The following NOVA1 variants were observed in gnomAD, a reference collection of about 807,000 sequenced individuals.
The protein encoded by NOVA1 is NOVA alternative splicing regulator 1, also known as RNA-binding protein Nova-1.
Under a neutral mutation model 38.0 loss-of-function variants are expected in NOVA1, and 7 were observed. The ratio of observed to expected loss-of-function variants is 0.18; its 90% CI spans 0.10 to 0.35. The LOEUF (loss-of-function observed/expected upper bound fraction) is 0.35. NOVA1 is among the 10% of genes least tolerant of loss of function. NOVA1 has a pLI of 1.00. For missense variants in NOVA1, 460 were observed against 616.0 expected (o/e 0.75, Z 2.68); for synonymous variants, 270 against 232.5 (o/e 1.16, Z -1.47).
At chr14:26,558,733 G>A (rs1323839405) in intron 2 of NOVA1, among the ~76,000 whole-genome samples, 1 of 152,018 alleles carries the variant, frequency 6.6e-6, no homozygotes, top group African/African-American at 2.4e-5. Context: ...AGGTCATTTT[G>A]CAACATTTAA....
At chr14:26,475,267 A>G (rs1366677320) in intron 3 of NOVA1, among the ~76,000 whole-genome samples, 1 of 152,142 alleles carries the variant, frequency 6.6e-6, no homozygotes, top group African/African-American at 2.4e-5. Context: ...CCTGGCTTCA[A>G]GCAATCCTCT....
At chr14:26,505,010 G>GAGAGTCTACGGGT (rs61689666) in intron 2 of NOVA1, among the ~76,000 whole-genome samples, 1 of 152,142 alleles carries the variant, frequency 6.6e-6, no homozygotes, top group Non-Finnish European at 1.5e-5. Context: ...ATTTTGTCTT[G>GAGAGTCTACGGGT]AGCTAGCTAG....
intron 2 of NOVA1, among the ~76,000 whole-genome samples, chr14:26,501,585 C>G (rs1433715414): frequency 6.6e-6 from 1 of 151,704 alleles, no homozygotes; most frequent in Non-Finnish European, 1.5e-5. Flanking sequence ...ATTTTATCTT[C>G]TCATTAATAC....
chr14:26,488,130 C>T (rs980296496), intron 2 of NOVA1, among the ~76,000 whole-genome samples: 1 of 152,072 alleles, frequency 6.6e-6, no homozygotes, highest in Non-Finnish European at 1.5e-5. Context: ...GTGATTAACT[C>T]TACACAATTA....
At chr14:26,553,405 T>TA (rs1891282530) in intron 2 of NOVA1, among the ~76,000 whole-genome samples, 1 of 152,154 alleles carries the variant, frequency 6.6e-6, no homozygotes, top group Admixed American at 6.5e-5. Flanking sequence ...TGTAGCTGAA[T>TA]AGTGCTGTTG....
intron 2 of NOVA1, among the ~76,000 whole-genome samples, chr14:26,512,131 A>T (rs981980262): frequency 8.5e-5 from 13 of 152,320 alleles, no homozygotes; most frequent in African/African-American, 3.1e-4. Context: ...TTAATGCTTG[A>T]ATAAGAGTAT....
intron 4 of NOVA1, among the ~76,000 whole-genome samples, chr14:26,471,441 C>T (rs1884582795): frequency 6.6e-6 from 1 of 150,588 alleles, no homozygotes; most frequent in South Asian, 2.1e-4. Context: ...CCCCATAAAG[C>T]CTTTTATTAT....
chr14:26,530,038 G>C (rs1244542307), intron 2 of NOVA1, among the ~76,000 whole-genome samples: 1 of 152,114 alleles, frequency 6.6e-6, no homozygotes, highest in Non-Finnish European at 1.5e-5. Flanking sequence ...TCCTGCCTCA[G>C]CCTCCCGAGT....
intron 2 of NOVA1, among the ~76,000 whole-genome samples, chr14:26,559,806 C>T (rs1319603607): frequency 6.6e-6 from 1 of 152,030 alleles, no homozygotes; most frequent in Non-Finnish European, 1.5e-5. Context: ...GTGTTTGATA[C>T]ATCAGTAGAG....
intron 3 of NOVA1, chr14:26,479,095 A>T (rs1414044490): frequency 2.0e-5 from 3 of 152,014 alleles, no homozygotes; most frequent in Non-Finnish European, 2.9e-5. Context: ...GAACATGAGT[A>T]TTCTGTAAAT....
Position 26,480,706 on chromosome 14 carries a change from G to A in NOVA1, c.281-563C>T, listed in dbSNP as rs376813296. On this transcript the variant is annotated intron_variant, in intron 2 of 4. Transcript: ENST00000539517. The stretch of plus-strand genomic sequence containing the variant: ...TTTTTCACTAGAATATAAGCTCTAC[G>A]TGGAGTGTAAATTTGTTTTGTTTTG... 2.9e-4 allele frequency among the ~76,000 whole-genome samples: 44 copies of A among 151,710 alleles called. No individual in the cohort carries two copies. The East Asian group carries it at 3.9e-3, about 13-fold the overall frequency.
Position 26,448,145 on chromosome 14 carries a change from T to G in NOVA1, c.1338A>C (p.Glu446Asp). The G allele has an allele frequency of 6.2e-7, 1 of 1,614,236 alleles. No homozygotes were observed. Among genetic ancestry groups the G allele is most frequent in the Non-Finnish European group, 8.5e-7 (1 of 1,180,042 alleles). Reference protein sequence around the residue: ...ILGKGGKTLVEYQELTGARIQ... With the variant: ...ILGKGGKTLVDYQELTGARIQ... ...TCCTTGCACCAGTCAACTCCTGGTA[T>G]TCCACTAATGTTTTCCCTCCTTTGC... Residue 446 changes from glutamate to aspartate, a missense_variant, in exon 5 of 5, where the codon GAA (glutamate) becomes GAC (aspartate). Glu to Asp is a conservative substitution (Grantham distance 45). Transcript: ENST00000539517. This position sits in a 1 kb window ranked among gnomAD's most constrained non-coding sequence, Gnocchi z 5.3.
At position 26,571,266 on chromosome 14, in the gene NOVA1, A is replaced by T. The variant is rs76813868; in HGVS notation, c.280+24144T>A. 4.4e-3 allele frequency among the ~76,000 whole-genome samples: 674 copies of T among 152,224 alleles called. 6 individuals carry two copies. Among genetic ancestry groups the T allele is most frequent in the African/African-American group, 0.015 (641 of 41,524 alleles). ...CTCACGTTCTAAAAAGAACTGAAAA[A>T]AAATTGAGGCCAGCCAGTCTCTTTT... On this transcript the variant is annotated intron_variant, in intron 2 of 4. Coordinates refer to ENST00000539517, the MANE Select transcript of NOVA1 (RefSeq NM_002515.3).
chr14:26,522,631 T>C (rs1888980796), intron 2 of NOVA1, among the ~76,000 whole-genome samples: 1 of 152,106 alleles, frequency 6.6e-6, no homozygotes, highest in Non-Finnish European at 1.5e-5. Context: ...CTTAGCTACA[T>C]TGCAATAGGC....
intron 2 of NOVA1, among the ~76,000 whole-genome samples, chr14:26,570,590 G>A (rs1892413239): frequency 6.6e-6 from 1 of 152,036 alleles, no homozygotes; most frequent in African/African-American, 2.4e-5. Context: ...TATGTGTACT[G>A]TATGTGTATA....
At chr14:26,505,480 C>T (rs1368136305) in intron 2 of NOVA1, among the ~76,000 whole-genome samples, 5 of 151,984 alleles carry the variant, frequency 3.3e-5, no homozygotes, top group Admixed American at 1.3e-4. Context: ...TGTAAGTTTC[C>T]GGAAGTCTCC....
chr14:26,493,107 A>G (rs1886479410), intron 2 of NOVA1, among the ~76,000 whole-genome samples: 1 of 152,176 alleles, frequency 6.6e-6, no homozygotes, highest in South Asian at 2.1e-4. Flanking sequence ...GATGTGAAAC[A>G]CAATGGAGTA....
At chr14:26,540,893 G>C (rs889900976) in intron 2 of NOVA1, among the ~76,000 whole-genome samples, 1 of 152,056 alleles carries the variant, frequency 6.6e-6, no homozygotes, top group Non-Finnish European at 1.5e-5. Flanking sequence ...GAAATACAGT[G>C]GTAAAACTAG....
intron 2 of NOVA1, among the ~76,000 whole-genome samples, chr14:26,551,696 A>T (rs1175817381): frequency 6.6e-6 from 1 of 152,046 alleles, no homozygotes; most frequent in Non-Finnish European, 1.5e-5. Context: ...TTTTATTTAT[A>T]TAACAGTATA....
Sources: allele counts gnomAD v4.1 joint callset (sites outside exome capture counted in the v4.1 genomes callset), GRCh38; gene constraint gnomAD v4.1.1; non-coding constraint Gnocchi (gnomAD v3.1); transcripts MANE v1.5; gene names NCBI Gene and HGNC (gene_info 2026-07-23, HGNC 2026-07-21).